CFAP54: variants seen among roughly 807,000 people sequenced by gnomAD.
CFAP54 encodes the protein cilia- and flagella-associated protein 54.
Under a neutral mutation model 370.4 loss-of-function variants are expected in CFAP54, and 290 were observed. That is an observed-to-expected ratio of 0.78 (90% CI 0.71 to 0.86). The LOEUF is 0.86. Ranked by LOEUF, CFAP54 falls within the 40% of genes least tolerant of loss-of-function variation. The probability of loss-of-function intolerance (pLI) is 0.00; values close to 1 mark genes in which losing one functional copy is unlikely to be tolerated. For missense variants in CFAP54, 3,399 were observed against 3,528.7 expected (o/e 0.96, Z 0.93); for synonymous variants, 1,206 against 1,236.5 (o/e 0.98, Z 0.52).
At chr12:96,664,556 A>C (rs1957035629) in intron 39 of CFAP54, among the ~76,000 whole-genome samples, 1 of 150,086 alleles carries the variant, frequency 6.7e-6, no homozygotes, top group African/African-American at 2.5e-5. Context: ...GGTTCATTCC[A>C]CTTCTTTGCT....
intron 8 of CFAP54, among the ~76,000 whole-genome samples, chr12:96,525,003 T>G (rs936027708): frequency 1.3e-5 from 2 of 152,256 alleles, no homozygotes; most frequent in East Asian, 3.9e-4. Flanking sequence ...AAATTCCAGG[T>G]GTAGGATTAT....
intron 63 of CFAP54, among the ~76,000 whole-genome samples, chr12:96,795,499 G>A (rs1432834756): frequency 6.6e-6 from 1 of 151,916 alleles, no homozygotes; most frequent in Non-Finnish European, 1.5e-5. Context: ...GGTGGATAGA[G>A]TTACGTTCTC....
In CFAP54 at chr12:96,547,974, T is replaced by C. The variant is rs1404921132; in HGVS notation, c.2150T>C (p.Leu717Ser). ...PKGITEILPILQKNPVEQLLF... is the reference protein window; with the variant it reads ...PKGITEILPISQKNPVEQLLF... ...GGGATCACAGAAATTCTTCCAATATTACAGGTATTACTACATATTTAGAAA... is the reference window on the plus strand; with the variant it reads ...GGGATCACAGAAATTCTTCCAATATCACAGGTATTACTACATATTTAGAAA... Residue 717 changes from leucine (L) to serine (S), a missense_variant, in exon 15 of 68, where the codon TTA becomes TCA. Leu to Ser is a moderately radical substitution (Grantham distance 145, BLOSUM62 -2). Around this residue, in one of 3 missense-constraint regions of CFAP54, gnomAD observed 2,796 missense variants for 2,869.7 expected, o/e 0.97. Coordinates refer to ENST00000524981, the MANE Select transcript of CFAP54 (RefSeq NM_001306084.2). The C allele has an allele frequency of 7.0e-7, 1 of 1,438,238 alleles. No individual in the cohort carries two copies. The allele number at this position is 1,438,238 out of a possible 1,614,324, so 89.1% of individuals were successfully genotyped here. A position where few individuals can be genotyped will look rare whatever the true frequency, so the allele number is the denominator to read the frequency against.
Position 96,489,817 on chromosome 12 carries a change from C to T in CFAP54, c.208C>T (p.Pro70Ser), listed in dbSNP as rs1163704187. 2.6e-6 allele frequency: 4 copies of T among 1,536,136 alleles called. No individual in the cohort carries two copies. The highest frequency in any genetic ancestry group is 3.5e-6 in the Non-Finnish European group (4 of 1,146,924). Residue 70 changes from proline (P) to serine (S), a missense_variant, in exon 1 of 68, where the codon CCG (proline) becomes TCG (serine). Around this residue, in one of 3 missense-constraint regions of CFAP54, gnomAD observed 559 missense variants for 576.7 expected, o/e 0.97. Transcript: ENST00000524981. ...TTATGGGCCGCTGGACGCGAAAAAC[C>T]CGCTCCTGGCCTCTTGTGAGAAGGA... ...VFYGPLDAKN[P>S]LLASCEKEIQ...
chr12:96,701,413 G>A (rs1219626199), intron 46 of CFAP54, among the ~76,000 whole-genome samples: 1 of 152,092 alleles, frequency 6.6e-6, no homozygotes, highest in Non-Finnish European at 1.5e-5. Context: ...TCCAGGCATG[G>A]AGATAGAGCA....
At chr12:96,571,659 C>G (rs1241410332) in intron 19 of CFAP54, among the ~76,000 whole-genome samples, 1 of 152,090 alleles carries the variant, frequency 6.6e-6, no homozygotes, top group East Asian at 1.9e-4. Flanking sequence ...ACATTCAGGT[C>G]CATATTGATA....
rs1268835831 is a variant in CFAP54, at chr12:96,522,111, A to C, written c.1080A>C (p.Arg360Ser). Residue 360 changes from arginine to serine, a missense_variant, in exon 8 of 68, where the codon AGA becomes AGC. By Grantham distance (110) the Arg-to-Ser change is moderately radical (BLOSUM62 -1). Coordinates refer to ENST00000524981, the MANE Select transcript of CFAP54 (RefSeq NM_001306084.2). ...TMKMAVMIFK[R>S]GVFESRRKNK... ...AGATGGCAGTGATGATCTTCAAAAG[A>C]GGAGTCTTTGAATCTAGAAGAAAAA... The C allele has an allele frequency of 6.5e-7, 1 of 1,535,684 alleles. No individual in the cohort carries two copies. The highest frequency in any genetic ancestry group is 2.0e-5 in the Admixed American group (1 of 50,900).
intron 8 of CFAP54, among the ~76,000 whole-genome samples, chr12:96,526,139 A>C (rs1293619241): frequency 6.6e-6 from 1 of 152,200 alleles, no homozygotes; most frequent in Non-Finnish European, 1.5e-5. Flanking sequence ...AAGAAGAGAA[A>C]TAAAAGCAAG....
intron 66 of CFAP54, among the ~76,000 whole-genome samples, chr12:96,843,369 T>G (rs1426025411): frequency 6.6e-6 from 1 of 152,184 alleles, no homozygotes; most frequent in Non-Finnish European, 1.5e-5. Flanking sequence ...GTAATACCAT[T>G]TCTTGCTATA....
At chr12:96,703,085 AT>A (rs1397414380) in intron 46 of CFAP54, among the ~76,000 whole-genome samples, 2 of 152,212 alleles carry the variant, frequency 1.3e-5, no homozygotes. Context: ...GAAGGGAAAA[AT>A]TTTTAAAACA....
intron 62 of CFAP54, among the ~76,000 whole-genome samples, chr12:96,790,694 A>G (rs1467767753): frequency 6.6e-6 from 1 of 152,156 alleles, no homozygotes; most frequent in Non-Finnish European, 1.5e-5. Context: ...ACTGCCTGAC[A>G]TAAAATTATT....
chr12:96,844,669 C>CT (rs1363702489), intron 66 of CFAP54, among the ~76,000 whole-genome samples: 1 of 152,128 alleles, frequency 6.6e-6, no homozygotes, highest in South Asian at 2.1e-4. Flanking sequence ...TATTATCATC[C>CT]TTTTTTTACA....
chr12:96,772,532 C>G (rs1958473450), intron 60 of CFAP54, among the ~76,000 whole-genome samples: 1 of 152,036 alleles, frequency 6.6e-6, no homozygotes, highest in Non-Finnish European at 1.5e-5. Context: ...TTAGGCCCAC[C>G]TGGATAACCC....
chr12:96,658,613 G>A (rs1481359277), intron 38 of CFAP54, among the ~76,000 whole-genome samples: 3 of 144,220 alleles, frequency 2.1e-5, no homozygotes, highest in Admixed American at 6.9e-5. Context: ...AGAGCCCAGA[G>A]TACTTTTTTT....
chr12:96,545,498 C>CA (rs916198738), intron 14 of CFAP54, among the ~76,000 whole-genome samples: 16 of 150,202 alleles, frequency 1.1e-4, no homozygotes, highest in East Asian at 7.8e-4. Flanking sequence ...AATATATTTC[C>CA]AAAAAAAAAT....
chr12:96,808,131 T>C (rs1958899766), intron 63 of CFAP54, among the ~76,000 whole-genome samples: 2 of 152,144 alleles, frequency 1.3e-5, no homozygotes, highest in African/African-American at 4.8e-5. Flanking sequence ...TTGGGAATAA[T>C]CTCTAATTCT....
At position 96,811,767 on chromosome 12, in the gene CFAP54, C is replaced by T; in HGVS notation, c.8882C>T (p.Pro2961Leu). 1.3e-6 allele frequency: 2 copies of T among 1,519,708 alleles called. No homozygotes were observed. 94.1% of individuals were successfully genotyped at this position (1,519,708 alleles called of 1,614,324 possible). Residue 2961 changes from proline (P) to leucine (L), a missense_variant, in exon 64 of 68, where the codon CCT becomes CTT. Pro to Leu is a moderately conservative substitution (Grantham distance 98, BLOSUM62 -3). Transcript: ENST00000524981. ...TTGTTGTATGCATATAATTTGAAGC[C>T]TCTGAAGATTTCAGATGTTAGACAT... Reference protein sequence around the residue: ...VLLLYAYNLKPLKISDVRHST... With the variant: ...VLLLYAYNLKLLKISDVRHST...
At chr12:96,607,970 A>G (rs758376640) in intron 26 of CFAP54, among the ~76,000 whole-genome samples, 3 of 152,180 alleles carry the variant, frequency 2.0e-5, no homozygotes. Flanking sequence ...CTGCCCATGT[A>G]CTTATCTGAG....
chr12:96,750,321 G>A (rs1958168721), intron 55 of CFAP54, among the ~76,000 whole-genome samples: 1 of 151,914 alleles, frequency 6.6e-6, no homozygotes, highest in African/African-American at 2.4e-5. Flanking sequence ...CAGCTCTGGA[G>A]AAGCTGATAT....
Sources: gnomAD v4.1 joint callset for allele counts (sites outside exome capture counted in the v4.1 genomes callset) on GRCh38, gnomAD v4.1.1 for gene constraint, gnomAD v4.1.1 regional missense constraint, MANE v1.5 for transcripts, NCBI Gene and HGNC (gene_info 2026-07-23, HGNC 2026-07-21) for gene names.